Variants in POLD3 observed in about 807,000 individuals in gnomAD.
POLD3 encodes DNA polymerase delta subunit 3.
In POLD3, 19 loss-of-function variants were observed where a neutral mutation model predicts 58.2. That is an observed-to-expected ratio of 0.33 (90% CI 0.23 to 0.48). POLD3 has a LOEUF of 0.48. POLD3 is among the 20% of genes least tolerant of loss of function. The pLI, the probability that POLD3 is intolerant of heterozygous loss-of-function variation, is 0.99. For synonymous variants in POLD3, 172 were observed against 193.5 expected (o/e 0.89, Z 0.92); for missense variants, 504 against 545.5 (o/e 0.92, Z 0.76).
chr11:74,626,753 G>A (rs905749745), intron 8 of POLD3, among the ~76,000 whole-genome samples: 4 of 152,016 alleles, frequency 2.6e-5, no homozygotes, highest in Non-Finnish European at 2.9e-5. Context: ...TTACTCATGC[G>A]CTGCATAACG....
intron 4 of POLD3, among the ~76,000 whole-genome samples, chr11:74,663,854 A>G (rs1047970587): frequency 2.6e-5 from 4 of 152,206 alleles, no homozygotes; most frequent in African/African-American, 9.6e-5. Flanking sequence ...CACCATGCAT[A>G]TATCTCTATC....
chr11:74,658,988 C>T (rs2135198813), intron 4 of POLD3, among the ~76,000 whole-genome samples: 1 of 152,306 alleles, frequency 6.6e-6, no homozygotes, highest in East Asian at 1.9e-4. Flanking sequence ...TGTGGGGGCT[C>T]CAACCTCACA....
chr11:74,598,195 A>C (rs751975328), intron 2 of POLD3, among the ~76,000 whole-genome samples: 1 of 152,246 alleles, frequency 6.6e-6, no homozygotes, highest in African/African-American at 2.4e-5. Context: ...TTTTTAAATG[A>C]ATCACTGAAA....
intron 3 of POLD3, among the ~76,000 whole-genome samples, chr11:74,607,423 C>T (rs902478740): frequency 3.3e-5 from 5 of 150,510 alleles, no homozygotes; most frequent in East Asian, 1.9e-4. Flanking sequence ...CCACCACGCC[C>T]GGCTAATTTT....
intron 4 of POLD3, among the ~76,000 whole-genome samples, chr11:74,656,042 T>C (rs1326648163): frequency 3.3e-5 from 5 of 152,192 alleles, no homozygotes; most frequent in African/African-American, 1.2e-4. Flanking sequence ...CAATTAGTAA[T>C]TGTAAAATAA....
At chr11:74,666,602 C>T (rs75435986) in intron 4 of POLD3, among the ~76,000 whole-genome samples, 4,920 of 152,174 alleles carry the variant, frequency 0.032, 304 homozygotes, top group African/African-American at 0.11. Context: ...GGAAACACTT[C>T]ATGTGCTCAT....
At position 74,625,393 on chromosome 11, in the gene POLD3, A is replaced by G. The variant is rs375950203; in HGVS notation, c.734-15A>G. 154 of 1,591,484 alleles carry G rather than the reference A, an allele frequency of 9.7e-5. No homozygotes were observed. The highest frequency in any genetic ancestry group is 1.1e-4 in the Non-Finnish European group (133 of 1,166,568). ...ATGATGGGGTCATATGTCGTCTGCTATACTTTATTTATAGATAAATTTAAA... is the reference window on the plus strand; with the variant it reads ...ATGATGGGGTCATATGTCGTCTGCTGTACTTTATTTATAGATAAATTTAAA... On this transcript the variant is annotated splice_polypyrimidine_tract_variant and intron_variant, in intron 7 of 11. Coordinates refer to ENST00000263681, the MANE Select transcript of POLD3 (RefSeq NM_006591.3).
intron 5 of POLD3, among the ~76,000 whole-genome samples, chr11:74,618,157 A>G (rs2032136796): frequency 6.6e-6 from 1 of 152,228 alleles, no homozygotes; most frequent in Admixed American, 6.5e-5. Flanking sequence ...TTCATTTCCC[A>G]AGGATAATGA....
chr11:74,647,131 C>T (rs1166371079), downstream of POLD3, among the ~76,000 whole-genome samples: 1 of 152,158 alleles, frequency 6.6e-6, no homozygotes, highest in Non-Finnish European at 1.5e-5. Flanking sequence ...AGGCGGAGCT[C>T]AGGCAGTAAT....
At chr11:74,625,668 A>G in intron 8 of POLD3, 95 bp downstream of exon 8, 1 of 943,048 alleles carries the variant, frequency 1.1e-6, no homozygotes, top group East Asian at 2.6e-5. Context: ...TCAGTTAAGT[A>G]CTAAATCCTA....
intron 4 of POLD3, among the ~76,000 whole-genome samples, chr11:74,664,637 C>CA (rs35334799): frequency 0.21 from 31,316 of 151,110 alleles, 3,410 homozygotes; most frequent in Middle Eastern, 0.3. Flanking sequence ...CAGAAATCCT[C>CA]AAAAAAAAAT....
chr11:74,660,612 T>C (rs1275626741), intron 4 of POLD3, among the ~76,000 whole-genome samples: 1 of 152,190 alleles, frequency 6.6e-6, no homozygotes, highest in African/African-American at 2.4e-5. Flanking sequence ...GATTGTATCA[T>C]GGTGGTGGAT....
chr11:74,629,964 C>T (rs1023680276), intron 9 of POLD3, among the ~76,000 whole-genome samples: 2 of 152,094 alleles, frequency 1.3e-5, no homozygotes, highest in Non-Finnish European at 2.9e-5. Flanking sequence ...ATATGCTGGA[C>T]GACTCTACCT....
intron 9 of POLD3, among the ~76,000 whole-genome samples, chr11:74,629,563 T>C (rs1302164656): frequency 6.6e-6 from 1 of 151,486 alleles, no homozygotes. Flanking sequence ...ATACATATTA[T>C]CTAAGACTTT....
rs973994939 is a variant in POLD3 at position 74,602,101 on chromosome 11, T to A, written c.117-2591T>A. On this transcript the variant is annotated intron_variant, in intron 2 of 11. Coordinates refer to ENST00000263681, the MANE Select transcript of POLD3 (RefSeq NM_006591.3). ...GAAGCTACTGAAAGCTTTGTTACAC[T>A]TTTTTTTTTCTCCTCCCTTTTTGTG... Among the ~76,000 whole-genome samples, 3 of 149,678 alleles carry A rather than the reference T, an allele frequency of 2.0e-5. No individual in the cohort carries two copies. The East Asian group carries it at 5.9e-4, about 29-fold the overall frequency.
rs1211224594 is a variant in POLD3, at chr11:74,634,734, T to G, written c.1119+39T>G. The G allele has an allele frequency of 2.6e-6, 3 of 1,172,062 alleles. 1 individual carries two copies. Among genetic ancestry groups the G allele is most frequent in the South Asian group, 2.4e-5 (2 of 82,140 alleles). The allele number at this position is 1,172,062 out of a possible 1,614,324, so 72.6% of individuals were successfully genotyped here. ...GGGATTCTTGCATGTCCATGCATCC[T>G]TTGTGTCTTAAGGACCTACAACCAC... On this transcript the variant is annotated intron_variant, in intron 10 of 11. Coordinates refer to ENST00000263681, the MANE Select transcript of POLD3 (RefSeq NM_006591.3).
intron 8 of POLD3, among the ~76,000 whole-genome samples, chr11:74,626,347 C>G (rs1446896909): frequency 6.6e-6 from 1 of 152,168 alleles, no homozygotes; most frequent in African/African-American, 2.4e-5. Context: ...TTCAGTATTT[C>G]ACTACTAAAT....
At chr11:74,664,760 A>G (rs1369230903) in intron 4 of POLD3, among the ~76,000 whole-genome samples, 1 of 152,180 alleles carries the variant, frequency 6.6e-6, no homozygotes, top group Non-Finnish European at 1.5e-5. Context: ...AATATAATAA[A>G]CCTTATCAAT....
intron 2 of POLD3, chr11:74,595,196 G>A (rs2031192922): frequency 7.8e-6 from 1 of 128,116 alleles, no homozygotes; most frequent in Non-Finnish European, 1.7e-5. Flanking sequence ...TTTTGAGATG[G>A]GGTTTCACTA....
Sources: allele counts gnomAD v4.1 joint callset (sites outside exome capture counted in the v4.1 genomes callset), GRCh38; gene constraint gnomAD v4.1.1; transcripts MANE v1.5; gene names NCBI Gene and HGNC (gene_info 2026-07-23, HGNC 2026-07-21).